Variants in MAGI1 observed in about 807,000 individuals in gnomAD.
The protein encoded by MAGI1 is membrane associated guanylate kinase, WW and PDZ domain containing 1.
A neutral mutation model predicts 139.9 loss-of-function variants in MAGI1; 58 were observed. The observed-to-expected ratio is 0.41, with a 90% confidence interval of 0.34 to 0.52. The LOEUF is 0.52. Ranked by LOEUF, MAGI1 falls within the 20% of genes least tolerant of loss-of-function variation. The pLI, the probability that MAGI1 is intolerant of heterozygous loss-of-function variation, is 0.12. For missense variants in MAGI1, 1,874 were observed against 1,901.6 expected, an observed-to-expected ratio of 0.99 and a Z score of 0.27; for synonymous variants, 812 against 737.9, an observed-to-expected ratio of 1.10 and a Z score of -1.63.
rs79555096 is a variant in MAGI1 at position 65,608,810 on chromosome 3, A to C, written c.430+13162T>G. ...ATTGTGCACATATGTCCATTGTATAAGAATGCTCACAACAGTAGCTAAAAA... is the reference window on the plus strand; with the variant it reads ...ATTGTGCACATATGTCCATTGTATACGAATGCTCACAACAGTAGCTAAAAA... On this transcript the variant is annotated intron_variant, in intron 2 of 22. Coordinates refer to ENST00000402939, the MANE Select transcript of MAGI1 (RefSeq NM_001033057.2). Among the ~76,000 whole-genome samples the C allele has an allele frequency of 1.2e-3, 190 of 152,348 alleles. 6 individuals are homozygous for C. The East Asian group carries it at 0.028, about 23-fold the overall frequency.
At position 66,011,729 on chromosome 3, in the gene MAGI1, C is replaced by G. The variant is rs568951060; in HGVS notation, c.313+26267G>C. Among the ~76,000 whole-genome samples the G allele has an allele frequency of 5.3e-5, 8 of 152,194 alleles. No individual in the cohort carries two copies. In the South Asian group the frequency reaches 8.3e-4, roughly 16 times the overall value. Reference sequence around the variant, plus strand: ...CTTCACAGCCTAACTTCTCCTCCAGCCCAATTCCTTCAACAGGAATTGATT... The same window carrying G: ...CTTCACAGCCTAACTTCTCCTCCAGGCCAATTCCTTCAACAGGAATTGATT... On this transcript the variant is annotated intron_variant, in intron 1 of 22. Transcript: ENST00000402939.
chr3:65,445,503 A>G (rs1179487277), intron 7 of MAGI1, among the ~76,000 whole-genome samples: 1 of 152,212 alleles, frequency 6.6e-6, no homozygotes, highest in Non-Finnish European at 1.5e-5. Flanking sequence ...AGTTCTTTTC[A>G]AAGAGATTTC....
In MAGI1 at chr3:65,791,672, A is replaced by C. The variant is rs901724827; in HGVS notation, c.314-169584T>G. On this transcript the variant is annotated intron_variant, in intron 1 of 22. Transcript: ENST00000402939. ...CTATCCTCCATCCCAAATTAAATTAATGAGGAGGTAAACGTTCTTATTGGT... is the reference window on the plus strand; with the variant it reads ...CTATCCTCCATCCCAAATTAAATTACTGAGGAGGTAAACGTTCTTATTGGT... 2.6e-5 allele frequency among the ~76,000 whole-genome samples: 4 copies of C among 152,118 alleles called. No individual in the cohort carries two copies. In the East Asian group the frequency reaches 5.8e-4, roughly 22 times the overall value.
chr3:65,955,634 A>G (rs6445518), intron 1 of MAGI1, among the ~76,000 whole-genome samples: 25,758 of 152,146 alleles, frequency 0.17, 2,716 homozygotes, highest in African/African-American at 0.28. Context: ...TTGCCTTTCC[A>G]TCCTTGAAAT....
intron 1 of MAGI1, among the ~76,000 whole-genome samples, chr3:65,957,468 C>T (rs2064183334): frequency 6.8e-6 from 1 of 147,120 alleles, no homozygotes; most frequent in African/African-American, 2.5e-5. Context: ...CTGCAATAAG[C>T]CATGATTGCA....
chr3:65,877,954 T>C (rs989999934), intron 1 of MAGI1, among the ~76,000 whole-genome samples: 1 of 151,332 alleles, frequency 6.6e-6, no homozygotes, highest in Non-Finnish European at 1.5e-5. Flanking sequence ...AAAAAGTGTT[T>C]TAAAAAATTA....
intron 1 of MAGI1, among the ~76,000 whole-genome samples, chr3:65,981,692 G>C (rs114566466): frequency 0.025 from 3,822 of 152,232 alleles, 99 homozygotes; most frequent in Non-Finnish European, 0.042. Context: ...CCCCCATATT[G>C]CTCTGGTGGT....
intron 18 of MAGI1, among the ~76,000 whole-genome samples, chr3:65,369,341 A>C (rs1056646419): frequency 1.3e-5 from 2 of 152,182 alleles, no homozygotes; most frequent in Non-Finnish European, 2.9e-5. Flanking sequence ...GACTGAGATG[A>C]GTGAAACTGC....
intron 1 of MAGI1, among the ~76,000 whole-genome samples, chr3:66,017,782 T>C (rs958262982): frequency 6.6e-6 from 1 of 152,060 alleles, no homozygotes; most frequent in African/African-American, 2.4e-5. Context: ...CTTTCATACA[T>C]GAAGCCCAAC....
At chr3:65,652,096 G>T (rs925355322) in intron 1 of MAGI1, among the ~76,000 whole-genome samples, 6 of 152,068 alleles carry the variant, frequency 3.9e-5, no homozygotes, top group African/African-American at 7.2e-5. Context: ...AATGAGAAAT[G>T]GTTAAAATGA....
intron 2 of MAGI1, among the ~76,000 whole-genome samples, chr3:65,547,367 A>T (rs1485505938): frequency 6.6e-6 from 1 of 152,212 alleles, no homozygotes; most frequent in Non-Finnish European, 1.5e-5. Context: ...TACATCTGAT[A>T]ATATCTGCTT....
chr3:65,443,540 C>G (rs573209447), intron 7 of MAGI1, among the ~76,000 whole-genome samples: 1 of 152,284 alleles, frequency 6.6e-6, no homozygotes, highest in East Asian at 1.9e-4. Context: ...CTCAACCATG[C>G]TCTACAGAAC....
chr3:65,786,965 T>C (rs138429137), intron 1 of MAGI1, among the ~76,000 whole-genome samples: 17 of 152,258 alleles, frequency 1.1e-4, no homozygotes, highest in African/African-American at 4.1e-4. Flanking sequence ...GTGTTACCTT[T>C]TGTATTCCTA....
chr3:65,831,278 C>T (rs111313730), intron 1 of MAGI1, among the ~76,000 whole-genome samples: 295 of 152,286 alleles, frequency 1.9e-3, no homozygotes, highest in African/African-American at 6.3e-3. Flanking sequence ...GAGCCTCCTC[C>T]GCTAATTCTG....
At chr3:65,721,114 T>C (rs901353941) in intron 1 of MAGI1, among the ~76,000 whole-genome samples, 1 of 152,270 alleles carries the variant, frequency 6.6e-6, no homozygotes, top group African/African-American at 2.4e-5. Flanking sequence ...CAGTGTAGCC[T>C]TCCTAGAGTT....
At chr3:65,989,844 A>AT (rs1308614405) in intron 1 of MAGI1, among the ~76,000 whole-genome samples, 14 of 152,026 alleles carry the variant, frequency 9.2e-5, no homozygotes, top group African/African-American at 3.1e-4. Flanking sequence ...TGACCCAGAC[A>AT]TAATTTTTTA....
chr3:65,506,420 T>A (rs1389577457), intron 2 of MAGI1, among the ~76,000 whole-genome samples: 1 of 152,202 alleles, frequency 6.6e-6, no homozygotes, highest in Non-Finnish European at 1.5e-5. Context: ...TCACTTACTA[T>A]ATCTCTAACA....
At chr3:65,501,540 A>G (rs1331427503) in intron 2 of MAGI1, among the ~76,000 whole-genome samples, 1 of 152,116 alleles carries the variant, frequency 6.6e-6, no homozygotes, top group East Asian at 1.9e-4. Flanking sequence ...TGGTTTAAAA[A>G]TGTTTCTGTA....
intron 2 of MAGI1, among the ~76,000 whole-genome samples, chr3:65,532,296 C>G (rs2078749943): frequency 6.6e-6 from 1 of 152,140 alleles, no homozygotes; most frequent in Admixed American, 6.5e-5. Context: ...TGCTTTTGTT[C>G]TCTTCACTAA....
Sources: gnomAD v4.1 joint callset for allele counts (sites outside exome capture counted in the v4.1 genomes callset) on GRCh38, gnomAD v4.1.1 for gene constraint, MANE v1.5 for transcripts, NCBI Gene and HGNC (gene_info 2026-07-23, HGNC 2026-07-21) for gene names.